PFKFB3: variants seen among roughly 807,000 people sequenced by gnomAD.
PFKFB3 encodes the protein 6-phosphofructo-2-kinase/fructose-2,6-biphosphatase 3, also known as 6-phosphofructo-2-kinase/fructose-2,6-bisphosphatase 3.
Under a neutral mutation model 68.0 loss-of-function variants are expected in PFKFB3, and 33 were observed. That is an observed-to-expected ratio of 0.49 (90% CI 0.37 to 0.65). The LOEUF (loss-of-function observed/expected upper bound fraction) is 0.65. PFKFB3 is among the 30% of genes least tolerant of loss of function. The pLI is 0.00. For missense variants in PFKFB3, 586 were observed against 712.2 expected, an observed-to-expected ratio of 0.82 and a Z score of 2.02; for synonymous variants, 315 against 288.2, an observed-to-expected ratio of 1.09 and a Z score of -0.94.
chr10:6,182,329 A>G (rs890085012), intron 1 of PFKFB3, among the ~76,000 whole-genome samples: 2 of 152,186 alleles, frequency 1.3e-5, no homozygotes, highest in Non-Finnish European at 1.5e-5. Context: ...GTCTGGGTGC[A>G]GGAGGGTCTG....
chr10:6,273,325 C>T, the PFKFB3 span, among the ~76,000 whole-genome samples: 12 of 152,126 alleles, frequency 7.9e-5, no homozygotes, highest in East Asian at 5.8e-4. Flanking sequence ...GAGTTTTCCC[C>T]GTTCCTCTTC....
At chr10:6,306,723 G>A in the PFKFB3 span, among the ~76,000 whole-genome samples, 1 of 152,168 alleles carries the variant, frequency 6.6e-6, no homozygotes. Flanking sequence ...GGAAGGCCGT[G>A]TCCTGGGCCC....
chr10:6,202,272 G>A (rs991217606), upstream of PFKFB3, among the ~76,000 whole-genome samples: 3 of 152,204 alleles, frequency 2.0e-5, no homozygotes, highest in African/African-American at 4.8e-5. Flanking sequence ...GCTAGGGGAG[G>A]GGAGCAAGGC....
intron 14 of PFKFB3, among the ~76,000 whole-genome samples, chr10:6,253,259 C>T (rs372430283): frequency 3.3e-5 from 5 of 152,258 alleles, no homozygotes; most frequent in East Asian, 3.9e-4. Context: ...ACATCGATTG[C>T]CCTTGTAATT....
At chr10:6,152,200 G>T (rs1841614230) in intron 1 of PFKFB3, 1 of 154,196 alleles carries the variant, frequency 6.5e-6, no homozygotes, top group Non-Finnish European at 1.5e-5. Flanking sequence ...GCCTGTTCCG[G>T]GCATCACCTC....
chr10:6,304,387 C>A, the PFKFB3 span, among the ~76,000 whole-genome samples: 1 of 151,578 alleles, frequency 6.6e-6, no homozygotes, highest in East Asian at 1.9e-4. Flanking sequence ...AAGAATCCAT[C>A]TATCTTTCTG....
chr10:6,223,908 C>T (rs780231309), intron 11 of PFKFB3, 50 bp from the exon 12 acceptor site: 45 of 1,544,676 alleles, frequency 2.9e-5, no homozygotes, highest in South Asian at 2.6e-4. Flanking sequence ...TGAGCCACCA[C>T]GCCTGGCCGT....
intron 1 of PFKFB3, among the ~76,000 whole-genome samples, chr10:6,150,484 C>T (rs373899634): frequency 4.6e-5 from 7 of 151,142 alleles, no homozygotes; most frequent in African/African-American, 1.5e-4. Context: ...ATTAACTGGG[C>T]GTGGTGGTGG....
chr10:6,314,973 A>G, the PFKFB3 span, among the ~76,000 whole-genome samples: 3 of 152,320 alleles, frequency 2.0e-5, no homozygotes, highest in Non-Finnish European at 4.4e-5. Context: ...CCAGGCAGGA[A>G]GCATGGCCAG....
In PFKFB3 at chr10:6,215,394, G is replaced by A. The variant is rs1396104690; in HGVS notation, c.299+77G>A. The A allele has an allele frequency of 7.2e-6, 8 of 1,118,362 alleles. No homozygotes were observed. Among genetic ancestry groups the A allele is most frequent in the South Asian group, 1.3e-5 (1 of 78,390 alleles). The allele number at this position is 1,118,362 out of a possible 1,614,324, so 69.3% of individuals were successfully genotyped here. A position where few individuals can be genotyped will look rare whatever the true frequency, so the allele number is the denominator to read the frequency against. The stretch of plus-strand genomic sequence containing the variant: ...GCGGGCATAAGGCTGGGCTGCAGGA[G>A]TAAGGCTGGGCCGCGGGCGTAGGGC... On this transcript the variant is annotated intron_variant, in intron 3 of 14. Transcript: ENST00000379775. The surrounding 1 kb of genome is among the most constrained non-coding windows in gnomAD (Gnocchi z 4.3).
intron 10 of PFKFB3, 140 bp from the exon 11 acceptor site, chr10:6,222,715 C>A: frequency 1.1e-6 from 1 of 911,400 alleles, no homozygotes. Context: ...CCACGTTAAA[C>A]CCTGCTCCTT....
chr10:6,326,020 C>G, the PFKFB3 span, among the ~76,000 whole-genome samples: 1 of 152,288 alleles, frequency 6.6e-6, no homozygotes, highest in South Asian at 2.1e-4. Context: ...ATAATAAAAA[C>G]ATTTACAAAT....
chr10:6,266,419 C>A, the PFKFB3 span, among the ~76,000 whole-genome samples: 1 of 152,104 alleles, frequency 6.6e-6, no homozygotes, highest in Non-Finnish European at 1.5e-5. Context: ...TCATCTTGTG[C>A]CTTCCCTGTC....
At chr10:6,257,815 A>G (rs111317227), downstream of PFKFB3, among the ~76,000 whole-genome samples, 44 of 152,202 alleles carry the variant, frequency 2.9e-4, no homozygotes, top group African/African-American at 9.6e-4. Context: ...TCAGGATGTA[A>G]TTTCAGATCG....
chr10:6,243,296 A>C (rs995996811), intron 14 of PFKFB3, among the ~76,000 whole-genome samples: 1 of 152,216 alleles, frequency 6.6e-6, no homozygotes, highest in Admixed American at 6.5e-5. Context: ...CAACATATTG[A>C]GAATATTTTG....
the PFKFB3 span, among the ~76,000 whole-genome samples, chr10:6,270,155 AACAACAACAACG>A: frequency 6.6e-6 from 1 of 152,086 alleles, no homozygotes; most frequent in East Asian, 1.9e-4. Context: ...AACAAAACAA[AACAACAACAACG>A]ACAACAACAA....
At chr10:6,145,845 T>C (rs1431013099) in intron 1 of PFKFB3, among the ~76,000 whole-genome samples, 2 of 149,116 alleles carry the variant, frequency 1.3e-5, no homozygotes, top group East Asian at 2.0e-4. Context: ...CTGGTGTTCC[T>C]ACCCGCACCG....
chr10:6,165,103 C>T (rs1842089367), intron 1 of PFKFB3, among the ~76,000 whole-genome samples: 1 of 152,172 alleles, frequency 6.6e-6, no homozygotes, highest in South Asian at 2.1e-4. Flanking sequence ...CTCAGGCTGT[C>T]TCAGTGGGGG....
chr10:6,186,475 C>T (rs912860650), intron 1 of PFKFB3, among the ~76,000 whole-genome samples: 24 of 152,268 alleles, frequency 1.6e-4, no homozygotes, highest in African/African-American at 5.8e-4. Flanking sequence ...GAACAGTGCC[C>T]CCACATAAAG....
Sources: gnomAD v4.1 joint callset for allele counts (sites outside exome capture counted in the v4.1 genomes callset) on GRCh38, gnomAD v4.1.1 for gene constraint, Gnocchi (gnomAD v3.1) non-coding constraint, MANE v1.5 for transcripts, NCBI Gene and HGNC (gene_info 2026-07-23, HGNC 2026-07-21) for gene names.